The following GMDS variants were observed in gnomAD, a reference collection of about 807,000 sequenced individuals.
GMDS encodes GDP-mannose 4,6 dehydratase.
In GMDS, 20 loss-of-function variants were observed where a neutral mutation model predicts 49.9. The ratio of observed to expected loss-of-function variants is 0.40; its 90% CI spans 0.28 to 0.58. The LOEUF is 0.58. Among genes scored for constraint, GMDS ranks in the 20% least tolerant of loss-of-function variants. The pLI, the probability that GMDS is intolerant of heterozygous loss-of-function variation, is 0.42. For missense variants in GMDS, 362 were observed against 481.4 expected, an observed-to-expected ratio of 0.75 and a Z score of 2.32; for synonymous variants, 177 against 178.6, an observed-to-expected ratio of 0.99 and a Z score of 0.07.
chr6:1,771,562 T>C (rs942645441), intron 7 of GMDS, among the ~76,000 whole-genome samples: 2 of 152,244 alleles, frequency 1.3e-5, no homozygotes, highest in African/African-American at 4.8e-5. Context: ...CCATTTCCTC[T>C]GAGTAAATTG....
rs879878099 is a variant in GMDS at position 2,014,122 on chromosome 6, C to T, written c.346-53156G>A. The stretch of plus-strand genomic sequence containing the variant: ...ATATACAACAAAATTATCCCCCCCC[C>T]CCAAAAAAATAAAAATAAAAACTTT... On this transcript the variant is annotated intron_variant, in intron 4 of 10. Coordinates refer to ENST00000380815, the MANE Select transcript of GMDS (RefSeq NM_001500.4). Among the ~76,000 whole-genome samples the T allele has an allele frequency of 3.6e-5, 5 of 138,632 alleles. 1 individual carries two copies. Among genetic ancestry groups the T allele is most frequent in the African/African-American group, 1.1e-4 (4 of 37,610 alleles). 90.9% of individuals were successfully genotyped at this position (138,632 alleles called of 152,430 possible).
chr6:1,744,044 T>C (rs1351431882), intron 7 of GMDS, among the ~76,000 whole-genome samples: 3 of 152,212 alleles, frequency 2.0e-5, no homozygotes, highest in Admixed American at 6.5e-5. Flanking sequence ...GTTGCTAAAA[T>C]CAATGAGCCA....
chr6:1,802,805 C>T (rs1030533451), intron 7 of GMDS, among the ~76,000 whole-genome samples: 4 of 152,206 alleles, frequency 2.6e-5, no homozygotes, highest in African/African-American at 4.8e-5. Context: ...CTAATTTAAT[C>T]CATTGGAGGG....
At chr6:1,662,551 A>G (rs1764114606) in intron 9 of GMDS, among the ~76,000 whole-genome samples, 1 of 152,120 alleles carries the variant, frequency 6.6e-6, no homozygotes, top group Middle Eastern at 3.2e-3. Flanking sequence ...AGTCTCAGAG[A>G]GGTGGGGAGG....
intron 4 of GMDS, among the ~76,000 whole-genome samples, chr6:2,029,015 G>C (rs1487735447): frequency 6.7e-6 from 1 of 149,846 alleles, no homozygotes; most frequent in Non-Finnish European, 1.5e-5. Flanking sequence ...TTTTTAACCA[G>C]AGGGAATGAG....
Position 1,859,247 on chromosome 6 carries a change from G to A in GMDS, c.771+70856C>T, listed in dbSNP as rs74318680. Among the ~76,000 whole-genome samples the A allele has an allele frequency of 6.1e-3, 922 of 152,218 alleles. 8 individuals are homozygous for A. Among genetic ancestry groups the A allele is most frequent in the African/African-American group, 0.021 (855 of 41,528 alleles). On this transcript the variant is annotated intron_variant, in intron 7 of 10. Coordinates refer to ENST00000380815, the MANE Select transcript of GMDS (RefSeq NM_001500.4). ...CGTGGAACCCTGGTGCTACTTCGGC[G>A]CTGCTGACAGAAATGATGTCTGCAA...
At chr6:1,768,436 T>C (rs144135594) in intron 7 of GMDS, among the ~76,000 whole-genome samples, 12 of 152,346 alleles carry the variant, frequency 7.9e-5, no homozygotes, top group African/African-American at 2.6e-4. Context: ...ACTACCAATA[T>C]ATGACAGATA....
At chr6:2,210,595 G>T (rs1391779234) in intron 1 of GMDS, among the ~76,000 whole-genome samples, 1 of 152,038 alleles carries the variant, frequency 6.6e-6, no homozygotes, top group Admixed American at 6.5e-5. Context: ...TACTCCCAAG[G>T]TGGGAAAGGA....
At chr6:1,752,491 A>G (rs1767774306) in intron 7 of GMDS, among the ~76,000 whole-genome samples, 1 of 152,220 alleles carries the variant, frequency 6.6e-6, no homozygotes, top group African/African-American at 2.4e-5. Flanking sequence ...AACTTCCCCA[A>G]TCTAGCAAGA....
intron 4 of GMDS, among the ~76,000 whole-genome samples, chr6:2,093,779 C>CAAAA (rs760702286): frequency 7.3e-6 from 1 of 136,290 alleles, no homozygotes; most frequent in Non-Finnish European, 1.6e-5. Context: ...AGAAAAGCAG[C>CAAAA]AAAAAAAAAA....
chr6:1,805,654 T>A (rs553786573), intron 7 of GMDS, among the ~76,000 whole-genome samples: 1 of 152,226 alleles, frequency 6.6e-6, no homozygotes, highest in Non-Finnish European at 1.5e-5. Context: ...TTTTTTAAAT[T>A]TTGAAACAAT....
intron 4 of GMDS, among the ~76,000 whole-genome samples, chr6:2,044,132 A>C (rs1374894106): frequency 1.3e-5 from 2 of 152,218 alleles, no homozygotes; most frequent in Non-Finnish European, 2.9e-5. Flanking sequence ...AAATTGTTCA[A>C]ACACTGTGAA....
chr6:2,205,555 A>G (rs1779768328), intron 1 of GMDS, among the ~76,000 whole-genome samples: 1 of 152,206 alleles, frequency 6.6e-6, no homozygotes, highest in Non-Finnish European at 1.5e-5. Context: ...TCTATTTAAT[A>G]GCTCCCATTT....
chr6:1,983,206 T>C (rs6914444), intron 4 of GMDS, among the ~76,000 whole-genome samples: 27,011 of 152,126 alleles, frequency 0.18, 2,494 homozygotes, highest in African/African-American at 0.22. Flanking sequence ...ATTCCTTCCT[T>C]ACACCATATA....
At chr6:1,854,861 C>T (rs1292787303) in intron 7 of GMDS, among the ~76,000 whole-genome samples, 5 of 152,174 alleles carry the variant, frequency 3.3e-5, no homozygotes, top group African/African-American at 2.4e-5. Context: ...GGATAGCTCA[C>T]TCTAAAGCAC....
chr6:1,704,098 G>A (rs1465048795), intron 9 of GMDS, among the ~76,000 whole-genome samples: 1 of 152,204 alleles, frequency 6.6e-6, no homozygotes, highest in South Asian at 2.1e-4. Flanking sequence ...ACAAGACCTC[G>A]TTCTTGACTC....
chr6:1,905,610 A>G (rs1389287302), intron 7 of GMDS, among the ~76,000 whole-genome samples: 2 of 117,946 alleles, frequency 1.7e-5, no homozygotes, highest in African/African-American at 6.6e-5. Context: ...TGTAGGTGGG[A>G]CCTCAAAGGT....
At chr6:2,121,545 T>C (rs1286077759) in intron 2 of GMDS, among the ~76,000 whole-genome samples, 1 of 152,224 alleles carries the variant, frequency 6.6e-6, no homozygotes, top group African/African-American at 2.4e-5. Flanking sequence ...ATCAGATGTG[T>C]GGATTTCAGT....
At chr6:1,958,562 C>A (rs770172902) in intron 6 of GMDS, among the ~76,000 whole-genome samples, 5 of 152,132 alleles carry the variant, frequency 3.3e-5, no homozygotes, top group African/African-American at 4.8e-5. Context: ...TGATGACAGG[C>A]TAGGTTCTTA....
Sources: allele counts gnomAD v4.1 joint callset (sites outside exome capture counted in the v4.1 genomes callset), GRCh38; gene constraint gnomAD v4.1.1; transcripts MANE v1.5; gene names NCBI Gene and HGNC (gene_info 2026-07-23, HGNC 2026-07-21).